Variants in KDR observed in about 807,000 individuals in gnomAD.
KDR encodes the protein vascular endothelial growth factor receptor 2.
Under a neutral mutation model 160.9 loss-of-function variants are expected in KDR, and 43 were observed. The ratio of observed to expected loss-of-function variants is 0.27; its 90% CI spans 0.21 to 0.34. KDR has a LOEUF of 0.34. Ranked by LOEUF, KDR falls within the 10% of genes least tolerant of loss-of-function variation. The pLI is 1.00. For synonymous variants in KDR, 617 were observed against 600.1 expected (o/e 1.03, Z -0.41); for missense variants, 1,469 against 1,666.4 (o/e 0.88, Z 2.06).
At chr4:55,114,328 G>T in intron 5 of KDR, 63 bp from the exon 6 acceptor site, 5 of 1,554,458 alleles carry the variant, frequency 3.2e-6, no homozygotes, top group Non-Finnish European at 4.4e-6. Flanking sequence ...ACTTTGCACA[G>T]ATTTATTTTT....
At chr4:55,094,989 G>C (rs1278020347) in intron 20 of KDR, 34 bp from the exon 21 acceptor site, 4 of 1,603,470 alleles carry the variant, frequency 2.5e-6, no homozygotes, top group Non-Finnish European at 3.4e-6. Flanking sequence ...CAAACTCCTT[G>C]AATACAAAAT....
At chr4:55,109,897 G>A (rs568927361) in intron 9 of KDR, among the ~76,000 whole-genome samples, 14 of 152,162 alleles carry the variant, frequency 9.2e-5, no homozygotes, top group African/African-American at 3.4e-4. Context: ...CTGAACTCCT[G>A]TCAAAAAGGA....
At chr4:55,103,577 T>C (rs1720367689) in intron 13 of KDR, among the ~76,000 whole-genome samples, 1 of 152,184 alleles carries the variant, frequency 6.6e-6, no homozygotes, top group South Asian at 2.1e-4. Context: ...ATGTGATCTA[T>C]GTGGTGTGAC....
At chr4:55,114,703 C>A (rs992475280) in intron 5 of KDR, among the ~76,000 whole-genome samples, 171 bp downstream of exon 5, 2 of 152,148 alleles carry the variant, frequency 1.3e-5, no homozygotes, top group Non-Finnish European at 2.9e-5. Flanking sequence ...AGAAAAGAGA[C>A]AACCTCAATT....
At chr4:55,100,441 T>A (rs944703176) in intron 15 of KDR, among the ~76,000 whole-genome samples, 6 of 152,196 alleles carry the variant, frequency 3.9e-5, no homozygotes, top group Non-Finnish European at 5.9e-5. Context: ...GAGTATTAAA[T>A]ATCTAGCTCT....
intron 2 of KDR, 84 bp downstream of exon 2, chr4:55,121,013 A>G: frequency 2.2e-6 from 2 of 925,084 alleles, no homozygotes; most frequent in South Asian, 2.8e-5. Context: ...CTCTATTATA[A>G]TTCTGCTCTA....
rs190230128 is a variant in KDR at position 55,081,500 on chromosome 4, G to A, written c.3848+456C>T. On this transcript the variant is annotated intron_variant, in intron 29 of 29. Transcript: ENST00000263923. ...TACTTTTCTCACAATGAAATACTTC[G>A]AATTCAGACAATAATATTTAAATGT... Among the ~76,000 whole-genome samples, 16 of 152,154 alleles carry A rather than the reference G, an allele frequency of 1.1e-4. No individual in the cohort carries two copies. In the East Asian group the frequency reaches 1.9e-3, roughly 18 times the overall value.
At chr4:55,121,551 T>C (rs1320204138) in intron 1 of KDR, among the ~76,000 whole-genome samples, 1 of 152,234 alleles carries the variant, frequency 6.6e-6, no homozygotes, top group Non-Finnish European at 1.5e-5. Context: ...TGACATTTCT[T>C]ATAGAACATA....
chr4:55,112,820 G>A (rs551729546), intron 7 of KDR, among the ~76,000 whole-genome samples: 23 of 152,094 alleles, frequency 1.5e-4, no homozygotes, highest in African/African-American at 3.6e-4. Flanking sequence ...GTGAGCCACC[G>A]CGCCCGGCCT....
chr4:55,089,568 C>T, intron 24 of KDR, 95 bp from the exon 25 acceptor site: 1 of 1,244,674 alleles, frequency 8.0e-7, no homozygotes, highest in Non-Finnish European at 1.2e-6. Flanking sequence ...ACCTATGTAT[C>T]TATTTTTTTT....
rs778886056 is a variant in KDR, at chr4:55,096,365, G to A, written c.2615-23C>T. On this transcript the variant is annotated intron_variant, in intron 18 of 29. Transcript: ENST00000263923. ...CTTCTACAAATACAGTACAAAGAGG[G>A]AAATCATAGGTATGGACATTTCCTT... 5 of 1,526,804 alleles carry A rather than the reference G, an allele frequency of 3.3e-6. No homozygotes were observed. The highest frequency in any genetic ancestry group is 4.5e-6 in the Non-Finnish European group (5 of 1,105,478). 94.6% of individuals were successfully genotyped at this position (1,526,804 alleles called of 1,614,324 possible).
At position 55,107,824 on chromosome 4, in the gene KDR, G is replaced by A. The variant is rs766459956; in HGVS notation, c.1325C>T (p.Thr442Met). The change falls in exon 10 of 30, where the codon ACG becomes ATG. Residue 442 changes from threonine (T) to methionine (M), a missense_variant. Physicochemically the swap from Thr to Met is moderately conservative, Grantham distance 81. This residue lies in a region of KDR where 792 missense variants were observed against 840.9 expected (regional missense o/e 0.94). Coordinates refer to ENST00000263923, the MANE Select transcript of KDR (RefSeq NM_002253.4). ...AATGGCATAGACCGTACATGTCAGC[G>A]TTTGAGTGGTGCCGTACTGGTAGGA... Reference protein sequence around the residue: ...VDSYQYGTTQTLTCTVYAIPP... With the variant: ...VDSYQYGTTQMLTCTVYAIPP... 39 of 1,613,766 alleles carry A rather than the reference G, an allele frequency of 2.4e-5. No homozygotes were observed. Among genetic ancestry groups the A allele is most frequent in the Middle Eastern group, 1.6e-4 (1 of 6,082 alleles).
intron 27 of KDR, among the ~76,000 whole-genome samples, chr4:55,086,829 C>T (rs1719877689): frequency 6.6e-6 from 1 of 152,194 alleles, no homozygotes; most frequent in African/African-American, 2.4e-5. Flanking sequence ...CTCGGGCTGG[C>T]AGGCTGGACC....
In KDR at chr4:55,114,889, T is replaced by C. The variant is rs553403491; in HGVS notation, c.643A>G (p.Ile215Val). ...NDESYQSIMY[I>V]VVVVGYRIYD... ...GTCCTCTTACCTACAACGACAACTA[T>C]GTACATAATAGACTGGTAACTTTCA... The change falls in exon 5 of 30, where the codon ATA becomes GTA. Residue 215 changes from isoleucine (I) to valine (V), a missense_variant. Around this residue, in one of 7 missense-constraint regions of KDR, gnomAD observed 792 missense variants for 840.9 expected, o/e 0.94. Transcript: ENST00000263923. 1 of 1,613,542 alleles carries C rather than the reference T, an allele frequency of 6.2e-7. No individual in the cohort carries two copies. The highest frequency in any genetic ancestry group is 1.3e-5 in the African/African-American group (1 of 75,038).
At chr4:55,082,413 A>G in intron 28 of KDR, 123 bp downstream of exon 28, 3 of 739,524 alleles carry the variant, frequency 4.1e-6, no homozygotes, top group Non-Finnish European at 7.1e-6. Context: ...ACCCCATGAT[A>G]CACACACTCG....
chr4:55,091,327 T>A (rs1428332791), intron 22 of KDR, among the ~76,000 whole-genome samples: 1 of 152,162 alleles, frequency 6.6e-6, no homozygotes, highest in Non-Finnish European at 1.5e-5. Context: ...TGTTTTTGAC[T>A]TTTCCCCCCA....
In KDR at chr4:55,115,469, A is replaced by T. The variant is rs1720712399; in HGVS notation, c.359-58T>A. 11 of 941,014 alleles carry T rather than the reference A, an allele frequency of 1.2e-5. No homozygotes were observed. In the South Asian group the frequency reaches 1.3e-4, roughly 11 times the overall value. 58.3% of individuals were successfully genotyped at this position (941,014 alleles called of 1,614,324 possible). On this transcript the variant is annotated intron_variant, in intron 3 of 29. Transcript: ENST00000263923. ...ATAGTATTTACTAGAAAAGTTGGTCATTTTTCAGGTTCCTAAACTCTAACC... is the reference window on the plus strand; with the variant it reads ...ATAGTATTTACTAGAAAAGTTGGTCTTTTTTCAGGTTCCTAAACTCTAACC...
intron 2 of KDR, among the ~76,000 whole-genome samples, chr4:55,119,858 G>A (rs758289095): frequency 6.6e-6 from 1 of 152,184 alleles, no homozygotes; most frequent in African/African-American, 2.4e-5. Context: ...TCAACATCAA[G>A]AAGAATGTAA....
In KDR at chr4:55,090,075, T is replaced by A. The variant is rs2110011831; in HGVS notation, c.3073A>T (p.Ile1025Phe). 6.2e-7 allele frequency: 1 copy of A among 1,614,064 alleles called. No homozygotes were observed. The highest frequency in any genetic ancestry group is 1.3e-5 in the African/African-American group (1 of 75,050). ...TTTCGTGCCGCCAGGTCCCTGTGGATACACTGCAAAGAGAATCATGTGTGC... is the reference window on the plus strand; with the variant it reads ...TTTCGTGCCGCCAGGTCCCTGTGGAAACACTGCAAAGAGAATCATGTGTGC... ...GMEFLASRKCIHRDLAARNIL... is the reference protein window; with the variant it reads ...GMEFLASRKCFHRDLAARNIL... Residue 1025 changes from isoleucine to phenylalanine, a missense_variant, in exon 23 of 30, where the codon ATC (isoleucine) becomes TTC (phenylalanine). Around this residue, in one of 7 missense-constraint regions of KDR, gnomAD observed 8 missense variants for 41.7 expected, o/e 0.19. Coordinates refer to ENST00000263923, the MANE Select transcript of KDR (RefSeq NM_002253.4).
Sources: gnomAD v4.1 joint callset for allele counts (sites outside exome capture counted in the v4.1 genomes callset) on GRCh38, gnomAD v4.1.1 for gene constraint, gnomAD v4.1.1 regional missense constraint, MANE v1.5 for transcripts, NCBI Gene and HGNC (gene_info 2026-07-23, HGNC 2026-07-21) for gene names.